ATXN8OS: variants seen among roughly 807,000 people sequenced by gnomAD.
ATXN8OS encodes ATXN8 opposite strand (non-protein coding).
intron 4 of ATXN8OS, among the ~76,000 whole-genome samples, chr13:70,153,913 C>T (rs779793916): frequency 6.6e-6 from 1 of 152,094 alleles, no homozygotes; most frequent in Non-Finnish European, 1.5e-5. Context: ...TCTCAAACTC[C>T]TAGACTCAAG....
chr13:70,163,723 G>T (rs1889038021), intron 4 of ATXN8OS, among the ~76,000 whole-genome samples: 1 of 151,632 alleles, frequency 6.6e-6, no homozygotes. Flanking sequence ...ATATGTATCA[G>T]TATATACTTT....
intron 4 of ATXN8OS, among the ~76,000 whole-genome samples, chr13:70,157,651 G>A (rs1411677545): frequency 6.6e-6 from 1 of 151,978 alleles, no homozygotes. Flanking sequence ...ATTGAACGCA[G>A]CTTAACACAT....
chr13:70,112,261 A>G (rs1888207310), intron 1 of ATXN8OS, among the ~76,000 whole-genome samples: 1 of 152,202 alleles, frequency 6.6e-6, no homozygotes, highest in Non-Finnish European at 1.5e-5. Context: ...ACCGGGGATT[A>G]TAATTTGACA....
rs948045398 is a variant in ATXN8OS at position 70,139,396 on chromosome 13, C to T, written n.500-7959C>T. The stretch of plus-strand genomic sequence containing the variant: ...ACTACTACTACTACTGCTGCTGCTG[C>T]TGCTGCTGCTGCTGCTGCTGCTGCT... On this transcript the variant is annotated intron_variant and non_coding_transcript_variant, in intron 3 of 4. Transcript: ENST00000678624. 4 of 602,900 alleles carry T rather than the reference C, an allele frequency of 6.6e-6. No homozygotes were observed. The African/African-American group carries it at 1.1e-4, about 17-fold the overall frequency. 37.3% of individuals were successfully genotyped at this position (602,900 alleles called of 1,614,324 possible). A position where few individuals can be genotyped will look rare whatever the true frequency, so the allele number is the denominator to read the frequency against.
chr13:70,155,233 A>C (rs1237633445), intron 4 of ATXN8OS, among the ~76,000 whole-genome samples: 1 of 152,184 alleles, frequency 6.6e-6, no homozygotes, highest in Non-Finnish European at 1.5e-5. Context: ...TTTCCTTGAT[A>C]CAAACATGTT....
intron 2 of ATXN8OS, among the ~76,000 whole-genome samples, chr13:70,126,512 T>A (rs1046859533): frequency 6.6e-6 from 1 of 152,048 alleles, no homozygotes; most frequent in Non-Finnish European, 1.5e-5. Context: ...TATAGACATA[T>A]GAGTAAACCA....
chr13:70,142,831 T>C (rs1445003960), intron 3 of ATXN8OS, among the ~76,000 whole-genome samples: 2 of 152,178 alleles, frequency 1.3e-5, no homozygotes. Flanking sequence ...CCCAGCACTT[T>C]GGGAGCCCGA....
intron 4 of ATXN8OS, among the ~76,000 whole-genome samples, chr13:70,147,473 G>C (rs929170330): frequency 6.6e-6 from 1 of 152,110 alleles, no homozygotes; most frequent in Non-Finnish European, 1.5e-5. Flanking sequence ...ACTCTCTTCA[G>C]TGTTTTCTTC....
At chr13:70,107,597 C>G (rs780150653), upstream of ATXN8OS, 1 of 1,598,560 alleles carries the variant, frequency 6.3e-7, no homozygotes, top group East Asian at 2.2e-5. Flanking sequence ...AGGCAGCCTC[C>G]CCCCGCCGGG....
intron 3 of ATXN8OS, chr13:70,131,237 C>A: frequency 2.5e-6 from 1 of 397,878 alleles, no homozygotes; most frequent in East Asian, 3.6e-5. Context: ...AATATTTGTA[C>A]AATTAATTTA....
intron 3 of ATXN8OS, among the ~76,000 whole-genome samples, chr13:70,133,513 T>C (rs1888564124): frequency 6.6e-6 from 1 of 152,244 alleles, no homozygotes. Context: ...TAATTCCTAA[T>C]GCCATGTACC....
intron 2 of ATXN8OS, among the ~76,000 whole-genome samples, chr13:70,119,232 C>G (rs781762614): frequency 6.6e-5 from 10 of 152,096 alleles, no homozygotes. Flanking sequence ...CTCAAACTTA[C>G]AAAAATGAGG....
In ATXN8OS at chr13:70,160,921, G is replaced by A. The variant is rs139977102; in HGVS notation, n.574-8832G>A. On this transcript the variant is annotated intron_variant and non_coding_transcript_variant, in intron 4 of 4. Coordinates refer to ENST00000678624, the Ensembl canonical transcript of ATXN8OS. ...ATATAAAATAATTATAACACATAGT[G>A]AAATAATCTTAACTTTCAGGTGGAC... Among the ~76,000 whole-genome samples the A allele has an allele frequency of 7.9e-3, 1,183 of 149,730 alleles. 15 individuals are homozygous for A. The highest frequency in any genetic ancestry group is 0.026 in the African/African-American group (1,066 of 40,926).
chr13:70,129,895 C>G, intron 3 of ATXN8OS: 1 of 398,328 alleles, frequency 2.5e-6, no homozygotes. Context: ...GTAAAAACAT[C>G]AAAAGGTTGT....
rs577627313 is a variant in ATXN8OS, at chr13:70,122,912, T to C, written n.399-6872T>C. On this transcript the variant is annotated intron_variant and non_coding_transcript_variant, in intron 2 of 4. Coordinates refer to ENST00000678624, the Ensembl canonical transcript of ATXN8OS. Reference sequence around the variant, plus strand: ...TTTTAATTCCAGCTCTAGAACTTACTAACTTGTGTAAACTTGAAATAATTC... The same window carrying C: ...TTTTAATTCCAGCTCTAGAACTTACCAACTTGTGTAAACTTGAAATAATTC... Among the ~76,000 whole-genome samples, 3 of 152,202 alleles carry C rather than the reference T, an allele frequency of 2.0e-5. No homozygotes were observed. In the East Asian group the frequency reaches 5.8e-4, roughly 29 times the overall value.
At chr13:70,134,024 G>A (rs1052767514) in intron 3 of ATXN8OS, among the ~76,000 whole-genome samples, 4 of 152,164 alleles carry the variant, frequency 2.6e-5, no homozygotes, top group South Asian at 2.1e-4. Flanking sequence ...GAAAAATATC[G>A]GGTTGTTGTG....
chr13:70,146,078 ACAAC>A (rs1888782335), intron 3 of ATXN8OS, among the ~76,000 whole-genome samples: 1 of 129,574 alleles, frequency 7.7e-6, no homozygotes, highest in Non-Finnish European at 1.7e-5. Flanking sequence ...AAAAAAAAAA[ACAAC>A]CCCATCAAAA....
intron 1 of ATXN8OS, among the ~76,000 whole-genome samples, chr13:70,112,322 A>C (rs1236563194): frequency 6.6e-6 from 1 of 152,178 alleles, no homozygotes; most frequent in African/African-American, 2.4e-5. Context: ...ATTAATATAA[A>C]ATATTATTTA....
At chr13:70,155,925 G>A (rs1176125073) in intron 4 of ATXN8OS, among the ~76,000 whole-genome samples, 1 of 151,748 alleles carries the variant, frequency 6.6e-6, no homozygotes, top group African/African-American at 2.4e-5. Context: ...TTATATAAAT[G>A]CTTACCCATG....
Sources: gnomAD v4.1 joint callset for allele counts (sites outside exome capture counted in the v4.1 genomes callset) on GRCh38, gnomAD v4.1.1 for gene constraint, MANE v1.5 for transcripts, NCBI Gene and HGNC (gene_info 2026-07-23, HGNC 2026-07-21) for gene names.